Variants in SGMS1 observed in about 807,000 individuals in gnomAD.
SGMS1 encodes phosphatidylcholine:ceramide cholinephosphotransferase 1.
A neutral mutation model predicts 46.2 loss-of-function variants in SGMS1; 13 were observed. The ratio of observed to expected loss-of-function variants is 0.28; its 90% CI spans 0.18 to 0.45. The LOEUF is 0.45. Among genes scored for constraint, SGMS1 ranks in the 20% least tolerant of loss-of-function variants. SGMS1 has a pLI of 1.00. For synonymous variants in SGMS1, 203 were observed against 187.8 expected (o/e 1.08, Z -0.66); for missense variants, 324 against 519.9 (o/e 0.62, Z 3.66).
intron 6 of SGMS1, among the ~76,000 whole-genome samples, chr10:50,433,106 G>T (rs1212555): frequency 6.6e-6 from 1 of 151,974 alleles, no homozygotes; most frequent in African/African-American, 2.4e-5. Context: ...AAAAAAATAC[G>T]TGAGTGAGAA....
In SGMS1 at chr10:50,547,560, C is replaced by T. The variant is rs1462062884; in HGVS notation, c.-588-27639G>A. Among the ~76,000 whole-genome samples, 5 of 152,022 alleles carry T rather than the reference C, an allele frequency of 3.3e-5. No individual in the cohort carries two copies. In the South Asian group the frequency reaches 8.3e-4, roughly 25 times the overall value. ...ATTGAGGCAGTAATAAATAGCCTAG[C>T]AACCAAAAAAAGCCCAGTACCATAT... On this transcript the variant is annotated intron_variant, in intron 2 of 10. Coordinates refer to ENST00000361781, the MANE Select transcript of SGMS1 (RefSeq NM_147156.4).
chr10:50,398,562 T>C (rs1453909522), intron 6 of SGMS1, among the ~76,000 whole-genome samples: 1 of 152,208 alleles, frequency 6.6e-6, no homozygotes, highest in East Asian at 1.9e-4. Flanking sequence ...CTTTTCAGTG[T>C]TACTTCTCAT....
chr10:50,307,275 C>T lies in SGMS1; in HGVS notation c.1109G>A (p.Trp370Ter). Residue 370 changes from tryptophan (W) to a stop codon, truncating the protein, a stop_gained, in exon 11 of 11, where the codon TGG (tryptophan) becomes TAG (stop). Coordinates refer to ENST00000361781, the MANE Select transcript of SGMS1 (RefSeq NM_147156.4). LOFTEE classifies it high-confidence loss of function. This position sits in a 1 kb window ranked among gnomAD's most constrained non-coding sequence, Gnocchi z 4.2. ...SQMNLLARVW[W>*]YRPFQYFEKN... is the part of the protein sequence containing the mutation. Reference sequence around the variant, plus strand: ...TTCAAAGTACTGAAATGGCCTGTACCACCACACCCTGGCCAGGAGGTTCAT... The same window carrying T: ...TTCAAAGTACTGAAATGGCCTGTACTACCACACCCTGGCCAGGAGGTTCAT... 6.2e-7 allele frequency: 1 copy of T among 1,613,992 alleles called. No homozygotes were observed. Among genetic ancestry groups the T allele is most frequent in the Non-Finnish European group, 8.5e-7 (1 of 1,179,942 alleles).
At chr10:50,461,712 A>G (rs933934168) in intron 4 of SGMS1, among the ~76,000 whole-genome samples, 2 of 152,160 alleles carry the variant, frequency 1.3e-5, no homozygotes, top group African/African-American at 4.8e-5. Flanking sequence ...GGTGCTCTCC[A>G]GCTGTCAAGC....
At chr10:50,451,390 C>T (rs1215838837) in intron 5 of SGMS1, among the ~76,000 whole-genome samples, 1 of 152,144 alleles carries the variant, frequency 6.6e-6, no homozygotes, top group East Asian at 1.9e-4. Flanking sequence ...ATAACTGTAC[C>T]AGGCAACCAT....
intron 2 of SGMS1, among the ~76,000 whole-genome samples, chr10:50,536,735 T>G (rs910895494): frequency 6.6e-6 from 1 of 152,222 alleles, no homozygotes; most frequent in African/African-American, 2.4e-5. Context: ...TTCATACATT[T>G]TGTCCCATGT....
At chr10:50,320,229 T>A (rs1286481132) in intron 8 of SGMS1, among the ~76,000 whole-genome samples, 1 of 152,108 alleles carries the variant, frequency 6.6e-6, no homozygotes, top group South Asian at 2.1e-4. Flanking sequence ...AATTCAGAAA[T>A]CCATGCAGAA....
intron 6 of SGMS1, among the ~76,000 whole-genome samples, chr10:50,354,813 T>C (rs1282580149): frequency 6.6e-6 from 1 of 152,164 alleles, no homozygotes; most frequent in Non-Finnish European, 1.5e-5. Flanking sequence ...AAAGAAGACA[T>C]TTATGCAGCC....
chr10:50,416,068 C>T (rs745878295), intron 6 of SGMS1, among the ~76,000 whole-genome samples: 10 of 152,124 alleles, frequency 6.6e-5, no homozygotes, highest in Non-Finnish European at 1.2e-4. Flanking sequence ...ATTTGAAAGC[C>T]GTAGCCTTCT....
chr10:50,549,826 T>G (rs1838133643), intron 2 of SGMS1, among the ~76,000 whole-genome samples: 1 of 152,112 alleles, frequency 6.6e-6, no homozygotes, highest in South Asian at 2.1e-4. Context: ...AAATGAAAAA[T>G]TTTAAATGCC....
At chr10:50,379,561 T>A (rs1052398567) in intron 6 of SGMS1, among the ~76,000 whole-genome samples, 3 of 152,178 alleles carry the variant, frequency 2.0e-5, no homozygotes, top group African/African-American at 7.2e-5. Context: ...TTCAATTGTT[T>A]ATACATGATT....
chr10:50,390,086 T>C (rs12245709), intron 6 of SGMS1, among the ~76,000 whole-genome samples: 9,162 of 152,300 alleles, frequency 0.06, 634 homozygotes, highest in African/African-American at 0.17. Flanking sequence ...TTTGAAATTA[T>C]ATTAACCTAT....
intron 5 of SGMS1, among the ~76,000 whole-genome samples, chr10:50,457,071 T>G (rs1414526861): frequency 6.6e-6 from 1 of 152,152 alleles, no homozygotes; most frequent in Non-Finnish European, 1.5e-5. Flanking sequence ...TTTAACTAAA[T>G]TGAATGAGGA....
At chr10:50,445,049 A>G (rs1474393322) in intron 5 of SGMS1, among the ~76,000 whole-genome samples, 1 of 152,226 alleles carries the variant, frequency 6.6e-6, no homozygotes, top group Non-Finnish European at 1.5e-5. Context: ...AAATAGTAAA[A>G]GATTTGACAA....
intron 1 of SGMS1, among the ~76,000 whole-genome samples, chr10:50,614,953 C>A (rs191017943): frequency 6.6e-6 from 1 of 152,212 alleles, no homozygotes; most frequent in African/African-American, 2.4e-5. Context: ...GGCTGGCATG[C>A]AGTTAGCCAT....
intron 3 of SGMS1, among the ~76,000 whole-genome samples, chr10:50,518,688 G>A (rs1837830982): frequency 6.6e-6 from 1 of 152,040 alleles, no homozygotes; most frequent in African/African-American, 2.4e-5. Flanking sequence ...CAAAGTTCTG[G>A]GATTACAGGC....
intron 3 of SGMS1, among the ~76,000 whole-genome samples, chr10:50,494,473 G>C (rs955862126): frequency 6.6e-6 from 1 of 152,168 alleles, no homozygotes; most frequent in African/African-American, 2.4e-5. Flanking sequence ...CATGTCCTTT[G>C]AAGGAACATG....
chr10:50,574,049 A>G (rs1370683429), intron 2 of SGMS1, among the ~76,000 whole-genome samples: 2 of 152,226 alleles, frequency 1.3e-5, no homozygotes, highest in Non-Finnish European at 2.9e-5. Context: ...TTTGTACATA[A>G]GATCTGAAAC....
At chr10:50,523,465 G>C (rs1378837052) in intron 2 of SGMS1, among the ~76,000 whole-genome samples, 1 of 152,104 alleles carries the variant, frequency 6.6e-6, no homozygotes. Flanking sequence ...AAATGTCCCT[G>C]TTTCTTCCAA....
Sources: gnomAD v4.1 joint callset for allele counts (sites outside exome capture counted in the v4.1 genomes callset) on GRCh38, gnomAD v4.1.1 for gene constraint, Gnocchi (gnomAD v3.1) non-coding constraint, MANE v1.5 for transcripts, NCBI Gene and HGNC (gene_info 2026-07-23, HGNC 2026-07-21) for gene names.